The following CSGALNACT1 variants were observed in gnomAD, a reference collection of about 807,000 sequenced individuals.
CSGALNACT1 encodes beta4GalNAcT-1.
In CSGALNACT1, 52 loss-of-function variants were observed where a neutral mutation model predicts 51.0. The observed-to-expected ratio is 1.02, with a 90% CI of 0.82 to 1.29. The LOEUF (loss-of-function observed/expected upper bound fraction) is 1.29. Among genes scored for constraint, CSGALNACT1 ranks in the 50% most tolerant of loss-of-function variants. The probability of loss-of-function intolerance (pLI) is 0.00; values close to 1 mark genes in which losing one functional copy is unlikely to be tolerated. For missense variants in CSGALNACT1, 935 were observed against 679.2 expected (o/e 1.38, Z -4.19); for synonymous variants, 341 against 254.4 (o/e 1.34, Z -3.24).
chr8:19,509,574 A>G (rs555384470), intron 3 of CSGALNACT1, among the ~76,000 whole-genome samples: 1 of 137,036 alleles, frequency 7.3e-6, no homozygotes, highest in East Asian at 2.4e-4. Context: ...ATGAGCTGAG[A>G]TTGCACCACT....
intron 1 of CSGALNACT1, among the ~76,000 whole-genome samples, chr8:19,695,162 A>T (rs1204566491): frequency 6.6e-6 from 1 of 152,204 alleles, no homozygotes; most frequent in Admixed American, 6.5e-5. Flanking sequence ...GAAATTCAAT[A>T]TATTTTCACA....
In CSGALNACT1 at chr8:19,752,292, G is replaced by C. The variant is rs915477871; in HGVS notation, c.-297+5558C>G. ...TCTAACCACTTTTACAGACAAGAGC[G>C]TCACACAAACTTATGCAGGTTGTGC... On this transcript the variant is annotated intron_variant, in intron 1 of 1. Coordinates refer to the CSGALNACT1 transcript ENST00000517494. 5.9e-5 allele frequency among the ~76,000 whole-genome samples: 9 copies of C among 151,534 alleles called. No individual in the cohort carries two copies. The East Asian group carries it at 9.7e-4, about 16-fold the overall frequency.
chr8:19,705,038 T>C (rs969343688), intron 1 of CSGALNACT1, among the ~76,000 whole-genome samples: 1 of 152,228 alleles, frequency 6.6e-6, no homozygotes, highest in Non-Finnish European at 1.5e-5. Context: ...TTAATACACG[T>C]ATTGCCCACT....
chr8:19,418,675 G>A, exon 8 of CSGALNACT1: 1 of 1,612,454 alleles, frequency 6.2e-7, no homozygotes, highest in African/African-American at 1.3e-5. Context: ...TTCCAAGGGA[G>A]GGACTGCATC....
intron 1 of CSGALNACT1, among the ~76,000 whole-genome samples, chr8:19,741,374 C>T (rs2064302725): frequency 6.6e-6 from 1 of 152,118 alleles, no homozygotes; most frequent in Middle Eastern, 3.4e-3. Context: ...ACCAGCCCAG[C>T]CAAGATGGTG....
chr8:19,642,701 G>T (rs769741201), intron 1 of CSGALNACT1, among the ~76,000 whole-genome samples: 2 of 151,638 alleles, frequency 1.3e-5, no homozygotes, highest in African/African-American at 4.9e-5. Flanking sequence ...TGAGAGGATC[G>T]TTTGGGCCCA....
In CSGALNACT1 at chr8:19,441,904, C is replaced by T. The variant is rs371896714; in HGVS notation, c.852-1973G>A. On this transcript the variant is annotated intron_variant, in intron 5 of 9. Transcript: ENST00000454498. ...ACAAACAACCCCATCAAAAAGTGGGCGAAGGATATGAACAGACACTTCTCA... is the reference window on the plus strand; with the variant it reads ...ACAAACAACCCCATCAAAAAGTGGGTGAAGGATATGAACAGACACTTCTCA... Among the ~76,000 whole-genome samples, 405 of 152,244 alleles carry T rather than the reference C, an allele frequency of 2.7e-3. 3 individuals are homozygous for T. The highest frequency in any genetic ancestry group is 3.5e-3 in the African/African-American group (146 of 41,548).
At chr8:19,608,683 C>G (rs1056651575) in intron 1 of CSGALNACT1, among the ~76,000 whole-genome samples, 6 of 152,184 alleles carry the variant, frequency 3.9e-5, no homozygotes, top group African/African-American at 1.4e-4. Context: ...AGTTTGTTTT[C>G]TCTGGCTTCT....
At chr8:19,701,313 C>G (rs1447789456) in intron 1 of CSGALNACT1, among the ~76,000 whole-genome samples, 1 of 151,874 alleles carries the variant, frequency 6.6e-6, no homozygotes, top group African/African-American at 2.4e-5. Flanking sequence ...GCCACCACAC[C>G]AAGCTAATTT....
intron 1 of CSGALNACT1, among the ~76,000 whole-genome samples, chr8:19,723,350 T>A (rs1031578615): frequency 2.0e-5 from 3 of 152,224 alleles, no homozygotes; most frequent in Non-Finnish European, 4.4e-5. Context: ...CCAAAACATC[T>A]TGAGGTGCGG....
chr8:19,714,324 T>C (rs2062679833), intron 1 of CSGALNACT1, among the ~76,000 whole-genome samples: 1 of 136,676 alleles, frequency 7.3e-6, no homozygotes, highest in Non-Finnish European at 1.6e-5. Context: ...GAGTATAACA[T>C]ACCTGGGTAT....
Position 19,476,133 on chromosome 8 carries a change from A to G in CSGALNACT1, c.635-17491T>C, listed in dbSNP as rs143268631. On this transcript the variant is annotated intron_variant, in intron 4 of 9. Transcript: ENST00000454498. ...ATAAAAACAATTGAATAAGATGTCA[A>G]CTGAATATGGCCATTTTTCAGATGA... Among the ~76,000 whole-genome samples, 1,412 of 152,334 alleles carry G rather than the reference A, an allele frequency of 9.3e-3. 23 individuals are homozygous for G. The highest frequency in any genetic ancestry group is 0.032 in the African/African-American group (1,351 of 41,576).
At chr8:19,576,599 T>C (rs929595634) in intron 3 of CSGALNACT1, among the ~76,000 whole-genome samples, 2 of 152,048 alleles carry the variant, frequency 1.3e-5, no homozygotes, top group African/African-American at 4.8e-5. Context: ...CGAGTCTTGC[T>C]GGCAGGGACC....
intron 5 of CSGALNACT1, among the ~76,000 whole-genome samples, chr8:19,442,022 C>T (rs913285263): frequency 2.0e-5 from 3 of 152,172 alleles, no homozygotes; most frequent in African/African-American, 7.2e-5. Context: ...AATGAGATAC[C>T]ATCTCACACC....
chr8:19,408,677 A>T, exon 9 of CSGALNACT1: 2 of 1,613,702 alleles, frequency 1.2e-6, no homozygotes, highest in Non-Finnish European at 1.7e-6. Flanking sequence ...TCCAAAATCC[A>T]GTTTCCTTCT....
At chr8:19,514,475 C>CTATGTATA (rs1554651568) in intron 3 of CSGALNACT1, among the ~76,000 whole-genome samples, 1 of 78,782 alleles carries the variant, frequency 1.3e-5, no homozygotes, top group Non-Finnish European at 2.4e-5. Flanking sequence ...TGAACAGAGA[C>CTATGTATA]TATATATATA....
chr8:19,624,590 G>C (rs777186036), intron 1 of CSGALNACT1, among the ~76,000 whole-genome samples: 1 of 151,834 alleles, frequency 6.6e-6, no homozygotes, highest in Non-Finnish European at 1.5e-5. Flanking sequence ...TCACTCTCAT[G>C]TGTTAATGGA....
chr8:19,617,784 G>A (rs1433651809), intron 1 of CSGALNACT1, among the ~76,000 whole-genome samples: 2 of 152,170 alleles, frequency 1.3e-5, no homozygotes, highest in East Asian at 3.8e-4. Flanking sequence ...ATAAAATTGT[G>A]CTGATTTATG....
intron 1 of CSGALNACT1, among the ~76,000 whole-genome samples, chr8:19,667,000 AAAGAAAGAAAGAAAGAAAGGAAGG>A (rs2059365682): frequency 1.9e-4 from 4 of 21,048 alleles, no homozygotes; most frequent in East Asian, 6.8e-4. Context: ...AGAAAGAAAG[AAAGAAAGAAAGAAAGAAAGGAAGG>A]AAGGAAGGAA....
Sources: gnomAD v4.1 joint callset for allele counts (sites outside exome capture counted in the v4.1 genomes callset) on GRCh38, gnomAD v4.1.1 for gene constraint, MANE v1.5 for transcripts, NCBI Gene and HGNC (gene_info 2026-07-23, HGNC 2026-07-21) for gene names.